The following TMEM117 variants were observed in gnomAD, a reference collection of about 807,000 sequenced individuals.
The protein encoded by TMEM117 is transmembrane protein 117.
A neutral mutation model predicts 52.4 loss-of-function variants in TMEM117; 27 were observed. The observed-to-expected ratio is 0.51, with a 90% confidence interval of 0.38 to 0.71. The LOEUF (loss-of-function observed/expected upper bound fraction) is 0.71. Among genes scored for constraint, TMEM117 ranks in the 30% least tolerant of loss-of-function variants. TMEM117 has a pLI of 0.00. For missense variants in TMEM117, 556 were observed against 630.5 expected (o/e 0.88, Z 1.26); for synonymous variants, 215 against 206.3 (o/e 1.04, Z -0.36).
chr12:43,897,890 G>A (rs113627629), intron 2 of TMEM117, among the ~76,000 whole-genome samples: 15,469 of 152,208 alleles, frequency 0.1, 1,066 homozygotes, highest in Non-Finnish European at 0.15. Flanking sequence ...TGGGATTACA[G>A]GCATGAGCCA....
intron 3 of TMEM117, among the ~76,000 whole-genome samples, chr12:43,974,055 G>A (rs1440423670): frequency 6.6e-6 from 1 of 152,118 alleles, no homozygotes; most frequent in African/African-American, 2.4e-5. Context: ...TCAGACCATA[G>A]AAAGAGGGCT....
chr12:44,154,889 A>G (rs112675401), intron 4 of TMEM117, among the ~76,000 whole-genome samples: 3 of 152,088 alleles, frequency 2.0e-5, no homozygotes, highest in African/African-American at 7.2e-5. Flanking sequence ...TGCCATTGCT[A>G]TCTTTCTAAA....
intron 5 of TMEM117, among the ~76,000 whole-genome samples, chr12:44,237,993 G>A (rs1432816809): frequency 6.6e-6 from 1 of 152,084 alleles, no homozygotes; most frequent in African/African-American, 2.4e-5. Context: ...ACTGCTGTGT[G>A]AAGAGTTTTA....
chr12:44,296,060 C>A (rs1950765010), intron 5 of TMEM117, among the ~76,000 whole-genome samples: 1 of 152,130 alleles, frequency 6.6e-6, no homozygotes, highest in Non-Finnish European at 1.5e-5. Context: ...TTAACTGGGT[C>A]ACGAGACTTT....
At chr12:44,116,549 A>G (rs1948147155) in intron 3 of TMEM117, among the ~76,000 whole-genome samples, 1 of 152,156 alleles carries the variant, frequency 6.6e-6, no homozygotes, top group Admixed American at 6.5e-5. Flanking sequence ...ATATTCTTGT[A>G]TCTTTCTCTT....
chr12:44,135,453 T>G (rs1948476267), intron 3 of TMEM117, among the ~76,000 whole-genome samples: 1 of 152,186 alleles, frequency 6.6e-6, no homozygotes, highest in South Asian at 2.1e-4. Context: ...CAATATAAAT[T>G]TACATGCTGC....
intron 2 of TMEM117, among the ~76,000 whole-genome samples, chr12:43,915,741 GAAGAAAGAAA>G (rs1944590396): frequency 6.6e-6 from 1 of 151,334 alleles, no homozygotes; most frequent in South Asian, 2.1e-4. Flanking sequence ...AAGAAGGAGT[GAAGAAAGAAA>G]AAGAAAGAAA....
chr12:44,152,550 T>C (rs1948759589), intron 4 of TMEM117, among the ~76,000 whole-genome samples: 1 of 120,758 alleles, frequency 8.3e-6, no homozygotes, highest in African/African-American at 3.4e-5. Context: ...TAAATTTTTA[T>C]ATATAATATT....
intron 5 of TMEM117, among the ~76,000 whole-genome samples, chr12:44,264,665 A>G (rs1242226035): frequency 6.6e-6 from 1 of 152,116 alleles, no homozygotes; most frequent in East Asian, 1.9e-4. Flanking sequence ...TGCTCACAGA[A>G]CCATAGAAAT....
chr12:44,059,741 G>A (rs1947110063), intron 3 of TMEM117, among the ~76,000 whole-genome samples: 1 of 152,162 alleles, frequency 6.6e-6, no homozygotes, highest in Non-Finnish European at 1.5e-5. Flanking sequence ...TAAAATTACA[G>A]CAGCAGAAAA....
chr12:44,058,781 C>G (rs1372733395), intron 3 of TMEM117, among the ~76,000 whole-genome samples: 1 of 152,056 alleles, frequency 6.6e-6, no homozygotes, highest in Non-Finnish European at 1.5e-5. Flanking sequence ...TTTTTTTGTT[C>G]ACTCTGTTGT....
intron 2 of TMEM117, among the ~76,000 whole-genome samples, chr12:43,876,878 A>G (rs1565730650): frequency 6.6e-6 from 1 of 152,176 alleles, no homozygotes; most frequent in Non-Finnish European, 1.5e-5. Flanking sequence ...CTTTCCCTCA[A>G]TACCCCTCTC....
intron 3 of TMEM117, among the ~76,000 whole-genome samples, chr12:44,066,527 A>T (rs1158289047): frequency 6.6e-6 from 1 of 152,250 alleles, no homozygotes; most frequent in East Asian, 1.9e-4. Flanking sequence ...AAATATTTCA[A>T]TAAAGCGAGT....
At chr12:43,840,484 G>A (rs1943100827) in intron 1 of TMEM117, among the ~76,000 whole-genome samples, 1 of 152,210 alleles carries the variant, frequency 6.6e-6, no homozygotes, top group South Asian at 2.1e-4. Context: ...CATCAATGCA[G>A]TCCTTGGACT....
At chr12:44,111,710 A>G (rs1438319625) in intron 3 of TMEM117, among the ~76,000 whole-genome samples, 1 of 141,324 alleles carries the variant, frequency 7.1e-6, no homozygotes, top group Non-Finnish European at 1.5e-5. Context: ...AGTTCTGTAG[A>G]TGTCTATTAG....
At chr12:44,299,291 T>C (rs1029495644) in intron 5 of TMEM117, among the ~76,000 whole-genome samples, 1 of 151,920 alleles carries the variant, frequency 6.6e-6, no homozygotes, top group African/African-American at 2.4e-5. Context: ...CCACTGCGTT[T>C]GGCTAATTTT....
intron 6 of TMEM117, among the ~76,000 whole-genome samples, chr12:44,343,238 C>A (rs564772886): frequency 1.3e-5 from 2 of 152,122 alleles, no homozygotes; most frequent in Admixed American, 6.6e-5. Context: ...TAGGCATGAG[C>A]CACCACACCC....
chr12:44,163,123 A>G (rs1948919982), intron 4 of TMEM117, among the ~76,000 whole-genome samples: 1 of 152,238 alleles, frequency 6.6e-6, no homozygotes, highest in Non-Finnish European at 1.5e-5. Context: ...AAGCTTGCAC[A>G]TTCTTTGGTG....
chr12:43,838,227 C>T (rs560271894), intron 1 of TMEM117, among the ~76,000 whole-genome samples: 1 of 151,844 alleles, frequency 6.6e-6, no homozygotes, highest in Non-Finnish European at 1.5e-5. Context: ...TGTACTCAGA[C>T]CTGTCATTAC....
Sources: allele counts gnomAD v4.1 joint callset (sites outside exome capture counted in the v4.1 genomes callset), GRCh38; gene constraint gnomAD v4.1.1; transcripts MANE v1.5; gene names NCBI Gene and HGNC (gene_info 2026-07-23, HGNC 2026-07-21).